Variants in KIAA0825 observed in about 807,000 individuals in gnomAD.
KIAA0825 encodes the protein uncharacterized protein KIAA0825.
In KIAA0825, 119 loss-of-function variants were observed where a neutral mutation model predicts 147.6. The observed-to-expected ratio is 0.81, with a 90% CI of 0.69 to 0.94. KIAA0825 has a LOEUF of 0.94. Among genes scored for constraint, KIAA0825 ranks in the 40% least tolerant of loss-of-function variants. The pLI, the probability that KIAA0825 is intolerant of heterozygous loss-of-function variation, is 0.00. For missense variants in KIAA0825, 1,381 were observed against 1,472.7 expected (o/e 0.94, Z 1.02); for synonymous variants, 470 against 518.1 (o/e 0.91, Z 1.26).
chr5:94,315,417 C>T (rs755890891), intron 20 of KIAA0825, among the ~76,000 whole-genome samples: 7 of 151,216 alleles, frequency 4.6e-5, no homozygotes, highest in East Asian at 2.0e-4. Flanking sequence ...TTTTAAAAAG[C>T]GGGTGTAGAA....
intron 1 of KIAA0825, chr5:94,593,569 A>C: frequency 1.8e-6 from 1 of 561,676 alleles, no homozygotes; most frequent in Non-Finnish European, 3.3e-6. Flanking sequence ...ACCTGAAGAA[A>C]AGAAACAACT....
intron 20 of KIAA0825, among the ~76,000 whole-genome samples, chr5:94,374,865 T>A (rs1189221329): frequency 2.0e-5 from 3 of 152,230 alleles, no homozygotes; most frequent in Middle Eastern, 6.8e-3. Flanking sequence ...TAAAATCCTC[T>A]TGCACCTTGA....
At chr5:94,472,880 T>C (rs926929617) in intron 8 of KIAA0825, among the ~76,000 whole-genome samples, 18 of 152,350 alleles carry the variant, frequency 1.2e-4, no homozygotes, top group Middle Eastern at 3.4e-3. Flanking sequence ...CATATGGAGA[T>C]GTAAGACTGA....
At chr5:94,266,500 T>A (rs1045657170) in intron 20 of KIAA0825, among the ~76,000 whole-genome samples, 8 of 152,204 alleles carry the variant, frequency 5.3e-5, no homozygotes, top group Admixed American at 6.5e-5. Context: ...TTTGGTGCTG[T>A]ATTAAAAAAA....
intron 2 of KIAA0825, among the ~76,000 whole-genome samples, chr5:94,544,052 C>T (rs1412431646): frequency 6.6e-6 from 1 of 152,212 alleles, no homozygotes; most frequent in Non-Finnish European, 1.5e-5. Flanking sequence ...CTTGCTTTCA[C>T]TTTACTCTAT....
At chr5:94,532,002 TTTTTAATATGGAA>T (rs1435251062) in intron 3 of KIAA0825, among the ~76,000 whole-genome samples, 1 of 152,088 alleles carries the variant, frequency 6.6e-6, no homozygotes, top group African/African-American at 2.4e-5. Flanking sequence ...TGAAAGCAAA[TTTTTAATATGGAA>T]GCTCAAAAAA....
intron 20 of KIAA0825, among the ~76,000 whole-genome samples, chr5:94,380,268 T>C (rs920417318): frequency 2.6e-5 from 4 of 152,248 alleles, no homozygotes; most frequent in Non-Finnish European, 5.9e-5. Context: ...ATATAGATAC[T>C]TTTTTACTTC....
chr5:94,452,607 C>G (rs1250694327), intron 13 of KIAA0825, among the ~76,000 whole-genome samples: 1 of 152,178 alleles, frequency 6.6e-6, no homozygotes, highest in Non-Finnish European at 1.5e-5. Flanking sequence ...CAACTTCTAC[C>G]TAAGGCTCTG....
At chr5:94,238,276 T>C (rs989651879) in intron 20 of KIAA0825, among the ~76,000 whole-genome samples, 3 of 152,188 alleles carry the variant, frequency 2.0e-5, no homozygotes, top group Non-Finnish European at 4.4e-5. Flanking sequence ...ATTTCAACTT[T>C]TCTATAGGTT....
intron 20 of KIAA0825, among the ~76,000 whole-genome samples, chr5:94,375,634 G>C (rs1277599112): frequency 6.6e-6 from 1 of 152,178 alleles, no homozygotes; most frequent in Non-Finnish European, 1.5e-5. Context: ...AACAGGCAAA[G>C]GATTGGAGAT....
At chr5:94,569,351 C>T in intron 2 of KIAA0825, 1 of 367,070 alleles carries the variant, frequency 2.7e-6, no homozygotes, top group Non-Finnish European at 5.1e-6. Context: ...AATGATACAC[C>T]CAACCACACC....
chr5:94,609,738 T>C (rs768507107), intron 1 of KIAA0825, among the ~76,000 whole-genome samples: 24 of 152,042 alleles, frequency 1.6e-4, no homozygotes, highest in Admixed American at 7.2e-4. Flanking sequence ...TGCTTGAACC[T>C]GGAAGGTGGA....
chr5:94,232,816 T>A (rs1299491762), intron 20 of KIAA0825, among the ~76,000 whole-genome samples: 1 of 152,068 alleles, frequency 6.6e-6, no homozygotes, highest in Non-Finnish European at 1.5e-5. Flanking sequence ...ATGAAAAAAA[T>A]TCATACAGAT....
intron 5 of KIAA0825, among the ~76,000 whole-genome samples, chr5:94,518,222 A>C (rs1767571587): frequency 6.6e-6 from 1 of 152,184 alleles, no homozygotes; most frequent in Non-Finnish European, 1.5e-5. Context: ...ACAAAACATT[A>C]TCATTGGGTC....
In KIAA0825 at chr5:94,151,451, A is replaced by C. The variant is rs890659300; in HGVS notation, c.*2556T>G. Among the ~76,000 whole-genome samples the C allele has an allele frequency of 2.7e-5, 4 of 149,336 alleles. No individual in the cohort carries two copies. The highest frequency in any genetic ancestry group is 2.1e-4 in the South Asian group (1 of 4,768). On this transcript the variant is annotated 3_prime_UTR_variant, in exon 21 of 21. Transcript: ENST00000682413. ...AAAAAAAAAAAAAAAAAAAAAAAAAACATATTGAGTATAAAGTCAAAATAA... is the reference window on the plus strand; with the variant it reads ...AAAAAAAAAAAAAAAAAAAAAAAAACCATATTGAGTATAAAGTCAAAATAA...
chr5:94,353,922 T>C (rs1304766448), intron 20 of KIAA0825, among the ~76,000 whole-genome samples: 1 of 152,202 alleles, frequency 6.6e-6, no homozygotes, highest in Non-Finnish European at 1.5e-5. Flanking sequence ...ATTATTTACT[T>C]TGTAATCTAT....
At chr5:94,178,996 A>T (rs1239464477) in intron 20 of KIAA0825, among the ~76,000 whole-genome samples, 2 of 152,116 alleles carry the variant, frequency 1.3e-5, no homozygotes, top group Non-Finnish European at 2.9e-5. Flanking sequence ...TTAATTTAAA[A>T]TACATTTTTC....
chr5:94,401,428 A>C (rs536568893), intron 16 of KIAA0825, among the ~76,000 whole-genome samples: 1 of 152,314 alleles, frequency 6.6e-6, no homozygotes, highest in Non-Finnish European at 1.5e-5. Context: ...TGTTAAAGTC[A>C]CTTGTATGTA....
At chr5:94,532,855 T>C (rs1771109250) in intron 3 of KIAA0825, among the ~76,000 whole-genome samples, 1 of 151,654 alleles carries the variant, frequency 6.6e-6, no homozygotes, top group African/African-American at 2.4e-5. Context: ...TCCAGCTGCA[T>C]TGGTACCAGC....
Sources: gnomAD v4.1 joint callset for allele counts (sites outside exome capture counted in the v4.1 genomes callset) on GRCh38, gnomAD v4.1.1 for gene constraint, MANE v1.5 for transcripts, NCBI Gene and HGNC (gene_info 2026-07-23, HGNC 2026-07-21) for gene names.